The following GABRR1 variants were observed in gnomAD, a reference collection of about 807,000 sequenced individuals.
GABRR1 encodes the protein gamma-aminobutyric acid receptor subunit rho-1.
In GABRR1, 59 loss-of-function variants were observed where a neutral mutation model predicts 55.5. The observed-to-expected ratio is 1.06, with a 90% CI of 0.86 to 1.32. The LOEUF (loss-of-function observed/expected upper bound fraction) is 1.32. Ranked by LOEUF, GABRR1 falls within the 40% of genes most tolerant of loss-of-function variation. The pLI, the probability that GABRR1 is intolerant of heterozygous loss-of-function variation, is 0.00. For missense variants in GABRR1, 602 were observed against 619.1 expected, an observed-to-expected ratio of 0.97 and a Z score of 0.29; for synonymous variants, 213 against 226.0, an observed-to-expected ratio of 0.94 and a Z score of 0.51.
At chr6:89,179,179 AGAGG>A in intron 9 of GABRR1, 116 bp from the exon 10 acceptor site, 3 of 1,035,082 alleles carry the variant, frequency 2.9e-6, no homozygotes, top group Non-Finnish European at 4.1e-6. Context: ...CAGTTTGGGA[AGAGG>A]GTAGGTATCC....
chr6:89,182,452 CTGA>C (rs1771758837), intron 7 of GABRR1, among the ~76,000 whole-genome samples: 1 of 152,166 alleles, frequency 6.6e-6, no homozygotes, highest in Admixed American at 6.5e-5. Context: ...CTACACCCAG[CTGA>C]TGTTTAAATT....
chr6:89,203,487 T>C lies in GABRR1; in HGVS notation c.123-2A>G. Reference sequence around the variant, plus strand: ...ACTTCTCGTCTTTGTCTTTGGGGCCTACCATGAACATTAAAAATAAAGACA... The same window carrying C: ...ACTTCTCGTCTTTGTCTTTGGGGCCCACCATGAACATTAAAAATAAAGACA... On this transcript the variant is annotated splice_acceptor_variant, in intron 1 of 9. Coordinates refer to ENST00000454853, the MANE Select transcript of GABRR1 (RefSeq NM_002042.5). LOFTEE classifies it high-confidence loss of function. The C allele has an allele frequency of 3.7e-6, 6 of 1,608,692 alleles. No individual in the cohort carries two copies. Among genetic ancestry groups the C allele is most frequent in the Non-Finnish European group, 5.1e-6 (6 of 1,175,088 alleles).
chr6:89,201,723 G>A (rs1772478851), intron 2 of GABRR1, among the ~76,000 whole-genome samples: 1 of 151,444 alleles, frequency 6.6e-6, no homozygotes, highest in Non-Finnish European at 1.5e-5. Context: ...AGCTTGCAGT[G>A]AGCCGAGATT....
intron 1 of GABRR1, chr6:89,231,206 C>G (rs112606796): frequency 0.017 from 2,682 of 156,468 alleles, 41 homozygotes; most frequent in Middle Eastern, 0.027. Context: ...GATGGAAATG[C>G]AGAAATCACC....
chr6:89,191,906 G>A (rs920257001), intron 5 of GABRR1, among the ~76,000 whole-genome samples: 15 of 152,136 alleles, frequency 9.9e-5, no homozygotes, highest in Non-Finnish European at 2.2e-4. Flanking sequence ...GACGGGCGTA[G>A]TGGCATGCAC....
chr6:89,179,249 CTT>C (rs879295543), intron 9 of GABRR1, among the ~76,000 whole-genome samples, 186 bp from the exon 10 acceptor site: 2 of 151,370 alleles, frequency 1.3e-5, no homozygotes, highest in Non-Finnish European at 2.9e-5. Flanking sequence ...GAGTTTTGCT[CTT>C]GTCGCCCAGG....
At chr6:89,182,439 C>A (rs1382938795) in intron 7 of GABRR1, among the ~76,000 whole-genome samples, 1 of 152,108 alleles carries the variant, frequency 6.6e-6, no homozygotes, top group East Asian at 1.9e-4. Context: ...GTAGCTGGTA[C>A]CACTACACCC....
In GABRR1 at chr6:89,224,168, A is replaced by C. The variant is rs60356174; in HGVS notation, c.-410-2722T>G. Among the ~76,000 whole-genome samples, 807 of 151,966 alleles carry C rather than the reference A, an allele frequency of 5.3e-3. 10 individuals carry two copies. Among genetic ancestry groups the C allele is most frequent in the African/African-American group, 0.019 (776 of 41,422 alleles). ...GCAGTGGCATGATCTTGGCTCACTC[A>C]ACCTCCACCTCCTGAGTTCAAGCGA... On this transcript the variant is annotated intron_variant, in intron 1 of 11. Transcript: ENST00000369451.
intron 6 of GABRR1, among the ~76,000 whole-genome samples, chr6:89,187,828 C>T (rs1771958148): frequency 6.6e-6 from 1 of 152,194 alleles, no homozygotes; most frequent in Admixed American, 6.5e-5. Flanking sequence ...GAACACTCTT[C>T]CACTGTATGC....
At chr6:89,186,639 A>G (rs1040984413) in intron 6 of GABRR1, among the ~76,000 whole-genome samples, 8 of 152,272 alleles carry the variant, frequency 5.3e-5, no homozygotes, top group African/African-American at 1.2e-4. Flanking sequence ...AGATGGAGGC[A>G]GAAGCTGCCC....
chr6:89,179,727 G>T (rs1403327944), intron 9 of GABRR1, among the ~76,000 whole-genome samples: 2 of 152,178 alleles, frequency 1.3e-5, no homozygotes, highest in African/African-American at 2.4e-5. Flanking sequence ...TCATGGGGAT[G>T]GGGATTGGTA....
chr6:89,185,866 A>C (rs1771885943), intron 6 of GABRR1, among the ~76,000 whole-genome samples: 1 of 152,226 alleles, frequency 6.6e-6, no homozygotes, highest in African/African-American at 2.4e-5. Flanking sequence ...GCGACTCATC[A>C]ATTGATGGCA....
chr6:89,178,753 T>C lies in GABRR1; in HGVS notation c.*17A>G. ...GTGCATGCCATGGAAATGTGAAATT[T>C]GTAGAATTACAAGCATCTAGGAGAA... is the stretch of plus-strand genomic sequence containing the variant. On this transcript the variant is annotated 3_prime_UTR_variant, in exon 10 of 10. Coordinates refer to ENST00000454853, the MANE Select transcript of GABRR1 (RefSeq NM_002042.5). 1 of 1,590,882 alleles carries C rather than the reference T, an allele frequency of 6.3e-7. No homozygotes were observed. Among genetic ancestry groups the C allele is most frequent in the Non-Finnish European group, 8.6e-7 (1 of 1,159,344 alleles).
At chr6:89,198,975 G>A (rs748320218) in intron 4 of GABRR1, among the ~76,000 whole-genome samples, 2 of 152,100 alleles carry the variant, frequency 1.3e-5, no homozygotes, top group Non-Finnish European at 2.9e-5. Flanking sequence ...CAAAAAGGGG[G>A]CGGGCGGGGG....
chr6:89,202,276 T>G (rs1202123183), intron 2 of GABRR1, among the ~76,000 whole-genome samples: 1 of 151,510 alleles, frequency 6.6e-6, no homozygotes, highest in Admixed American at 6.6e-5. Flanking sequence ...CCACAGGTGT[T>G]TCGTTTTTTT....
Position 89,181,908 on chromosome 6 carries a change from A to G in GABRR1, c.946T>C (p.Leu316=). The G allele has an allele frequency of 6.2e-7, 1 of 1,612,196 alleles. No individual in the cohort carries two copies. The highest frequency in any genetic ancestry group is 1.7e-4 in the Middle Eastern group (1 of 6,056). Residue 316 remains leucine, a synonymous_variant, in exon 8 of 10, where the codon TTA becomes CTA. Coordinates refer to ENST00000454853, the MANE Select transcript of GABRR1 (RefSeq NM_002042.5). Reference sequence around the variant, plus strand: ...ATGCACTTGAGGTATTCCTTACCTAAGGGGACTCTGGCAGGCACGGCTCTG... The same window carrying G: ...ATGCACTTGAGGTATTCCTTACCTAGGGGGACTCTGGCAGGCACGGCTCTG... The part of the protein sequence containing the change: ...DRRAVPARVP[L]GITTVLTMST...
intron 1 of GABRR1, among the ~76,000 whole-genome samples, chr6:89,210,371 T>C (rs1177750790): frequency 1.3e-5 from 2 of 151,906 alleles, no homozygotes; most frequent in Non-Finnish European, 2.9e-5. Flanking sequence ...TTTTGCTTGT[T>C]TTTGTAGAAA....
chr6:89,217,310 G>C lies in GABRR1; in HGVS notation c.13C>G (p.Pro5Ala). Residue 5 changes from proline to alanine, a missense_variant, in exon 1 of 10, where the codon CCA becomes GCA. This residue lies in a region of GABRR1 where 435 missense variants were observed against 424.2 expected (regional missense o/e 1.03). Transcript: ENST00000454853. MLAVPNMRFGIFLLW... is the reference protein window; with the variant it reads MLAVANMRFGIFLLW... ...AGAAAGATGCCAAATCTCATATTTG[G>C]GACAGCCAACATGGGTTTCCAAATT... is the stretch of plus-strand genomic sequence containing the variant. 1 of 1,613,970 alleles carries C rather than the reference G, an allele frequency of 6.2e-7. No homozygotes were observed. Among genetic ancestry groups the C allele is most frequent in the South Asian group, 1.1e-5 (1 of 91,054 alleles).
At chr6:89,194,614 T>C (rs1302179601) in intron 5 of GABRR1, among the ~76,000 whole-genome samples, 1 of 152,078 alleles carries the variant, frequency 6.6e-6, no homozygotes, top group Non-Finnish European at 1.5e-5. Context: ...AGTGCAGTGA[T>C]ATCCAAAAAA....
Sources: allele counts gnomAD v4.1 joint callset (sites outside exome capture counted in the v4.1 genomes callset), GRCh38; gene constraint gnomAD v4.1.1; regional missense constraint gnomAD v4.1.1; transcripts MANE v1.5; gene names NCBI Gene and HGNC (gene_info 2026-07-23, HGNC 2026-07-21).